The following CIT variants were observed in gnomAD, a reference collection of about 807,000 sequenced individuals.
The protein encoded by CIT is citron rho-interacting serine/threonine kinase.
CIT carries 79 observed loss-of-function variants against 272.7 expected under a neutral mutation model. The ratio of observed to expected loss-of-function variants is 0.29; its 90% CI spans 0.24 to 0.35. CIT has a LOEUF of 0.35. CIT is among the 10% of genes least tolerant of loss of function. The pLI, the probability that CIT is intolerant of heterozygous loss-of-function variation, is 1.00. For synonymous variants in CIT, 948 were observed against 995.6 expected (o/e 0.95, Z 0.90); for missense variants, 1,909 against 2,618.3 (o/e 0.73, Z 5.91).
intron 24 of CIT, among the ~76,000 whole-genome samples, chr12:119,735,764 T>C (rs888360869): frequency 1.3e-5 from 2 of 152,200 alleles, no homozygotes; most frequent in African/African-American, 2.4e-5. Context: ...ACTAGGACCT[T>C]ATTATTGGAG....
rs1970078460 is a variant in CIT at position 119,849,755 on chromosome 12, G to A, written c.516+419C>T. Among the ~76,000 whole-genome samples, 3 of 149,298 alleles carry A rather than the reference G, an allele frequency of 2.0e-5. No homozygotes were observed. In the South Asian group the frequency reaches 6.4e-4, roughly 32 times the overall value. On this transcript the variant is annotated intron_variant, in intron 5 of 47. Transcript: ENST00000392521. ...GGCTGGAGTGCAGTGGCGCAATCTC[G>A]GCTCACTGCAAGCTCCGCTTCCCAG...
At chr12:119,734,849 C>T (rs1440531077) in intron 25 of CIT, among the ~76,000 whole-genome samples, 1 of 151,958 alleles carries the variant, frequency 6.6e-6, no homozygotes, top group Non-Finnish European at 1.5e-5. Context: ...TGGGGTCTCA[C>T]TATATTGCCC....
At chr12:119,731,813 A>AATATATATATATATATATATATATAT (rs57327382) in intron 26 of CIT, among the ~76,000 whole-genome samples, 14 of 139,140 alleles carry the variant, frequency 1.0e-4, no homozygotes, top group African/African-American at 3.3e-4. Context: ...TTCTCTCCTA[A>AATATATATATATATATATATATATAT]ATATATATAT....
rs374641138 is a variant in CIT at position 119,712,715 on chromosome 12, G to T, written c.4580-20C>A. 3 of 1,599,014 alleles carry T rather than the reference G, an allele frequency of 1.9e-6. No individual in the cohort carries two copies. The highest frequency in any genetic ancestry group is 2.6e-6 in the Non-Finnish European group (3 of 1,166,486). On this transcript the variant is annotated intron_variant, in intron 35 of 47. Coordinates refer to ENST00000392521, the MANE Select transcript of CIT (RefSeq NM_001206999.2). This position sits in a 1 kb window ranked among gnomAD's most constrained non-coding sequence, Gnocchi z 5.2. ...GTCCAGCTTGGTGCAAAGAGGAAGG[G>T]CAGAAAGAAAAACAAAAGAACAGGA...
At chr12:119,703,399 A>G (rs1239172820) in intron 41 of CIT, among the ~76,000 whole-genome samples, 1 of 141,890 alleles carries the variant, frequency 7.0e-6, no homozygotes, top group Non-Finnish European at 1.5e-5. Context: ...TGACCCTTAT[A>G]TATTATTCAC....
intron 23 of CIT, among the ~76,000 whole-genome samples, chr12:119,748,271 G>C (rs946090599): frequency 1.3e-5 from 2 of 152,230 alleles, no homozygotes; most frequent in East Asian, 3.8e-4. Flanking sequence ...TGGACGGACA[G>C]GTTGCAGCCA....
At chr12:119,853,422 GTTTA>G (rs1028821241) in intron 4 of CIT, among the ~76,000 whole-genome samples, 5 of 149,988 alleles carry the variant, frequency 3.3e-5, no homozygotes, top group East Asian at 3.9e-4. Flanking sequence ...CAGGGGATTT[GTTTA>G]TTTGTTTGTT....
At chr12:119,842,388 C>CAAAAAAAA (rs58634070) in intron 5 of CIT, among the ~76,000 whole-genome samples, 2 of 71,534 alleles carry the variant, frequency 2.8e-5, no homozygotes, top group Non-Finnish European at 2.6e-5. Context: ...GACTGCATCT[C>CAAAAAAAA]AAAAAAAAAA....
At chr12:119,752,386 G>A (rs995116664) in intron 22 of CIT, 139 bp from the exon 23 acceptor site, 1 of 740,166 alleles carries the variant, frequency 1.4e-6, no homozygotes, top group South Asian at 2.0e-5. Flanking sequence ...CGATAGAGGA[G>A]AGGAAAATGC....
intron 24 of CIT, among the ~76,000 whole-genome samples, chr12:119,741,337 G>A (rs906617465): frequency 6.6e-6 from 1 of 152,188 alleles, no homozygotes; most frequent in African/African-American, 2.4e-5. Flanking sequence ...GTTACCCTTT[G>A]GGTGAAGGAT....
At chr12:119,709,523 T>C (rs1957045571) in intron 39 of CIT, among the ~76,000 whole-genome samples, 1 of 152,190 alleles carries the variant, frequency 6.6e-6, no homozygotes, top group African/African-American at 2.4e-5. Context: ...GAAAGGCCAG[T>C]TCTTGTCCAT....
In CIT at chr12:119,768,270, A is replaced by G. The variant is rs1028720701; in HGVS notation, c.2209-1088T>C. Among the ~76,000 whole-genome samples the G allele has an allele frequency of 1.3e-5, 2 of 152,214 alleles. No individual in the cohort carries two copies. The highest frequency in any genetic ancestry group is 2.4e-5 in the African/African-American group (1 of 41,462). On this transcript the variant is annotated intron_variant, in intron 18 of 47. Transcript: ENST00000392521. This position sits in a 1 kb window ranked among gnomAD's most constrained non-coding sequence, Gnocchi z 4.3. ...CTTGAAAATTGCAGTTCATTTGCCAATGTTTTATAAACTGACCTTACAAAA... is the reference window on the plus strand; with the variant it reads ...CTTGAAAATTGCAGTTCATTTGCCAGTGTTTTATAAACTGACCTTACAAAA...
intron 26 of CIT, among the ~76,000 whole-genome samples, chr12:119,731,239 C>A (rs1368275042): frequency 1.3e-5 from 2 of 152,094 alleles, no homozygotes; most frequent in African/African-American, 4.8e-5. Flanking sequence ...CTTCGGGAGG[C>A]TGAGGTGGGC....
chr12:119,820,367 A>C (rs368882851), intron 9 of CIT, among the ~76,000 whole-genome samples: 311 of 152,088 alleles, frequency 2.0e-3, no homozygotes, highest in African/African-American at 6.9e-3. Context: ...CCTGACCAAC[A>C]TGGTGAAACC....
At chr12:119,788,483 TCA>T (rs1405141186) in intron 10 of CIT, among the ~76,000 whole-genome samples, 1 of 152,110 alleles carries the variant, frequency 6.6e-6, no homozygotes, top group Non-Finnish European at 1.5e-5. Context: ...ACAACACAGG[TCA>T]CAGCTCCTTG....
intron 24 of CIT, among the ~76,000 whole-genome samples, chr12:119,740,285 A>T (rs1958993899): frequency 6.6e-6 from 1 of 152,248 alleles, no homozygotes; most frequent in Non-Finnish European, 1.5e-5. Flanking sequence ...ATACTAGTGT[A>T]TTCCACTAAA....
chr12:119,715,921 A>G (rs1957440138), intron 32 of CIT, among the ~76,000 whole-genome samples: 2 of 152,174 alleles, frequency 1.3e-5, no homozygotes, highest in African/African-American at 4.8e-5. Flanking sequence ...GGAAAGGTGC[A>G]AGGAATAAAT....
At chr12:119,700,334 C>T (rs1412299379) in intron 44 of CIT, among the ~76,000 whole-genome samples, 1 of 152,216 alleles carries the variant, frequency 6.6e-6, no homozygotes, top group African/African-American at 2.4e-5. Flanking sequence ...AATTCACATG[C>T]ACAGTGCTTA....
intron 1 of CIT, among the ~76,000 whole-genome samples, chr12:119,876,501 G>A (rs768007069): frequency 1.3e-5 from 2 of 152,196 alleles, no homozygotes; most frequent in Non-Finnish European, 2.9e-5. Flanking sequence ...AAATAGGTGC[G>A]AATAGTTATT....
Sources: allele counts gnomAD v4.1 joint callset (sites outside exome capture counted in the v4.1 genomes callset), GRCh38; gene constraint gnomAD v4.1.1; non-coding constraint Gnocchi (gnomAD v3.1); transcripts MANE v1.5; gene names NCBI Gene and HGNC (gene_info 2026-07-23, HGNC 2026-07-21).